ELP1: variants seen among roughly 807,000 people sequenced by gnomAD.
The protein encoded by ELP1 is elongator acetyltransferase complex subunit 1.
A neutral mutation model predicts 183.2 loss-of-function variants in ELP1; 131 were observed. That is an observed-to-expected ratio of 0.72 (90% CI 0.62 to 0.83). ELP1 has a LOEUF of 0.83. Ranked by LOEUF, ELP1 falls within the 40% of genes least tolerant of loss-of-function variation. The pLI is 0.00. For missense variants in ELP1, 1,550 were observed against 1,594.9 expected (o/e 0.97, Z 0.48); for synonymous variants, 555 against 569.0 (o/e 0.98, Z 0.35).
At chr9:108,903,802 C>A in intron 14 of ELP1, 133 bp from the exon 15 acceptor site, 18 of 673,238 alleles carry the variant, frequency 2.7e-5, no homozygotes, top group Admixed American at 2.1e-5. Flanking sequence ...AGACAAAATA[C>A]ATATATACAC....
At chr9:108,923,408 T>G (rs1186456951) in intron 5 of ELP1, among the ~76,000 whole-genome samples, 1 of 152,194 alleles carries the variant, frequency 6.6e-6, no homozygotes, top group East Asian at 1.9e-4. Flanking sequence ...TCATATTATA[T>G]GCAGCAGTGA....
At chr9:108,929,694 GA>G (rs1313463644) in intron 3 of ELP1, 74 bp downstream of exon 3, 6 of 1,493,538 alleles carry the variant, frequency 4.0e-6, no homozygotes, top group Non-Finnish European at 5.6e-6. Context: ...CTACTGATTT[GA>G]AAACTTCCAC....
At chr9:108,915,712 C>T (rs1218188688) in intron 10 of ELP1, among the ~76,000 whole-genome samples, 1 of 151,640 alleles carries the variant, frequency 6.6e-6, no homozygotes, top group African/African-American at 2.4e-5. Context: ...TACAGCTGAC[C>T]CTTGAACAAC....
intron 36 of ELP1, 91 bp downstream of exon 36, chr9:108,874,804 A>G (rs1293313088): frequency 5.6e-6 from 5 of 891,504 alleles, no homozygotes; most frequent in East Asian, 2.4e-5. Context: ...ATTGTATCCA[A>G]TCTCTCCTTA....
chr9:108,896,978 T>C lies in ELP1; in HGVS notation c.2562A>G (p.Val854=). The part of the protein sequence containing the change: ...VKKTTPELEI[V]LQKVHELQGN... ...CTTGAAGCTCGTGTACTTTTTGCAG[T>C]ACAATTTCCAGTTCTGGGGTTGTCT... The change falls in exon 24 of 37, where the codon GTA becomes GTG. Residue 854 remains valine (V), a synonymous_variant. Transcript: ENST00000374647. 1 of 1,614,114 alleles carries C rather than the reference T, an allele frequency of 6.2e-7. No individual in the cohort carries two copies. Among genetic ancestry groups the C allele is most frequent in the South Asian group, 1.1e-5 (1 of 91,074 alleles).
At chr9:108,912,635 A>G (rs1829273396) in intron 10 of ELP1, 141 bp from the exon 11 acceptor site, 2 of 671,030 alleles carry the variant, frequency 3.0e-6, no homozygotes, top group Non-Finnish European at 5.4e-6. Flanking sequence ...GAACAATAAT[A>G]ACTGCCAAAA....
intron 2 of ELP1, 64 bp downstream of exon 2, chr9:108,930,933 A>C: frequency 2.0e-6 from 3 of 1,537,558 alleles, no homozygotes; most frequent in Non-Finnish European, 2.7e-6. Flanking sequence ...GTGGGGAAAG[A>C]AATTTGGAAG....
At chr9:108,930,678 G>A (rs1032164359) in intron 2 of ELP1, among the ~76,000 whole-genome samples, 15 of 123,532 alleles carry the variant, frequency 1.2e-4, no homozygotes, top group African/African-American at 4.0e-4. Flanking sequence ...GTGACAGAGC[G>A]AGACTCCGTC....
intron 12 of ELP1, among the ~76,000 whole-genome samples, chr9:108,910,715 A>G (rs1185652972): frequency 2.0e-5 from 3 of 152,162 alleles, no homozygotes; most frequent in African/African-American, 7.2e-5. Flanking sequence ...AGAGTAAAAC[A>G]TGTTAACAAT....
At position 108,876,834 on chromosome 9, in the gene ELP1, C is replaced by T. The variant is rs903566683; in HGVS notation, c.3855+1161G>A. On this transcript the variant is annotated intron_variant, in intron 35 of 36. Coordinates refer to ENST00000374647, the MANE Select transcript of ELP1 (RefSeq NM_003640.5). ...ACAACCTCTGTCTCCCAGGTTCAAG[C>T]GATTCTCTTGCCTCAGCCTCCTGAG... is the stretch of plus-strand genomic sequence containing the variant. 5.9e-5 allele frequency among the ~76,000 whole-genome samples: 9 copies of T among 151,528 alleles called. No homozygotes were observed. In the East Asian group the frequency reaches 1.7e-3, roughly 29 times the overall value.
chr9:108,883,658 G>C (rs1828014617), intron 29 of ELP1, among the ~76,000 whole-genome samples: 1 of 151,936 alleles, frequency 6.6e-6, no homozygotes, highest in South Asian at 2.1e-4. Flanking sequence ...GTATTATGGA[G>C]TGAATACTCT....
At chr9:108,921,558 T>C (rs1829647094) in intron 6 of ELP1, among the ~76,000 whole-genome samples, 1 of 150,618 alleles carries the variant, frequency 6.6e-6, no homozygotes, top group Admixed American at 6.6e-5. Flanking sequence ...AGTTCCTGTT[T>C]AGTCAAGGAT....
chr9:108,893,906 C>G, intron 26 of ELP1, 37 bp downstream of exon 26: 1 of 1,611,600 alleles, frequency 6.2e-7, no homozygotes, highest in Non-Finnish European at 8.5e-7. Flanking sequence ...CAAAGAAGAT[C>G]TGAAGTAGAG....
chr9:108,891,243 A>G lies in ELP1; in HGVS notation c.3120T>C (p.Phe1040=), dbSNP rs762300112. The G allele has an allele frequency of 2.5e-6, 4 of 1,614,196 alleles. No individual in the cohort carries two copies. Among genetic ancestry groups the G allele is most frequent in the Middle Eastern group, 1.6e-4 (1 of 6,062 alleles). The change falls in exon 28 of 37, where the codon TTT becomes TTC. Residue 1040 remains phenylalanine, a synonymous_variant. Transcript: ENST00000374647. ...QALCVAAQLN[F]TKDQLVGLGR... ...CGAGGCCCACCAGCTGGTCTTTGGT[A>G]AAGTTAAGCTGGGCTGCCACACAGA...
chr9:108,869,690 G>A (rs3763646), intron 36 of ELP1, among the ~76,000 whole-genome samples: 1 of 152,102 alleles, frequency 6.6e-6, no homozygotes, highest in Non-Finnish European at 1.5e-5. Flanking sequence ...AAAGTGAATG[G>A]AGAGAGAGGG....
chr9:108,874,983 TAGACTGTATCAGCA>T lies in ELP1; in HGVS notation c.3856-27_3856-14del, dbSNP rs751098040. 2.5e-6 allele frequency: 4 copies of T among 1,569,324 alleles called. No homozygotes were observed. The highest frequency in any genetic ancestry group is 3.5e-6 in the Non-Finnish European group (4 of 1,139,698). On this transcript the variant is annotated splice_polypyrimidine_tract_variant and intron_variant, in intron 35 of 36. Coordinates refer to ENST00000374647, the MANE Select transcript of ELP1 (RefSeq NM_003640.5). ...TGGGACCTAGAACCTGAGGAGAAAA[TAGACTGTATCAGCA>T]AAGATTATCTAATACTTCTCAAGAC...
intron 12 of ELP1, among the ~76,000 whole-genome samples, chr9:108,908,890 C>T (rs1365560922): frequency 6.6e-6 from 1 of 152,164 alleles, no homozygotes; most frequent in African/African-American, 2.4e-5. Context: ...TTCCCATCAC[C>T]ACTCTGAACT....
intron 33 of ELP1, among the ~76,000 whole-genome samples, chr9:108,879,225 T>C (rs1183592093): frequency 6.6e-6 from 1 of 152,124 alleles, no homozygotes; most frequent in African/African-American, 2.4e-5. Flanking sequence ...TCGTGGGGAA[T>C]GGGAAAACAC....
At chr9:108,928,163 A>G (rs966017664) in intron 3 of ELP1, among the ~76,000 whole-genome samples, 2 of 152,204 alleles carry the variant, frequency 1.3e-5, no homozygotes, top group Non-Finnish European at 2.9e-5. Flanking sequence ...TGTACCTACT[A>G]TGTACTCATA....
Sources: allele counts gnomAD v4.1 joint callset (sites outside exome capture counted in the v4.1 genomes callset), GRCh38; gene constraint gnomAD v4.1.1; transcripts MANE v1.5; gene names NCBI Gene and HGNC (gene_info 2026-07-23, HGNC 2026-07-21).